Variants in SGCG observed in about 807,000 individuals in gnomAD.
The protein encoded by SGCG is gamma-sarcoglycan.
Under a neutral mutation model 29.3 loss-of-function variants are expected in SGCG, and 26 were observed. The observed-to-expected ratio is 0.89, with a 90% CI of 0.65 to 1.23. SGCG has a LOEUF of 1.23. Ranked by LOEUF, SGCG falls within the 50% of genes most tolerant of loss-of-function variation. The pLI, the probability that SGCG is intolerant of heterozygous loss-of-function variation, is 0.00. For synonymous variants in SGCG, 145 were observed against 129.7 expected (o/e 1.12, Z -0.80); for missense variants, 353 against 356.0 (o/e 0.99, Z 0.07).
At chr13:23,299,431 TATATATATATATATATATATATA>T (rs1882043047) in intron 6 of SGCG, among the ~76,000 whole-genome samples, 4 of 15,800 alleles carry the variant, frequency 2.5e-4, no homozygotes, top group African/African-American at 6.6e-4. Flanking sequence ...TATATATATA[TATATATATATATATATATATATA>T]TATTTTTTTT....
At chr13:23,193,723 A>C (rs1170336179) in intron 1 of SGCG, among the ~76,000 whole-genome samples, 1 of 152,192 alleles carries the variant, frequency 6.6e-6, no homozygotes, top group Non-Finnish European at 1.5e-5. Flanking sequence ...TTATCAGATT[A>C]GAGTAGAGAG....
At chr13:23,296,344 T>C (rs185012040) in intron 6 of SGCG, among the ~76,000 whole-genome samples, 1 of 152,344 alleles carries the variant, frequency 6.6e-6, no homozygotes, top group Admixed American at 6.5e-5. Context: ...AATAACATTA[T>C]AAAAACCAAG....
chr13:23,315,383 G>T (rs1882767326), intron 6 of SGCG, among the ~76,000 whole-genome samples: 1 of 152,178 alleles, frequency 6.6e-6, no homozygotes, highest in African/African-American at 2.4e-5. Flanking sequence ...GCTCGAGCAG[G>T]TCCTGAAGGC....
At chr13:23,184,302 ATAT>A (rs1425253520) in intron 1 of SGCG, among the ~76,000 whole-genome samples, 1 of 152,178 alleles carries the variant, frequency 6.6e-6, no homozygotes, top group East Asian at 1.9e-4. Flanking sequence ...TTTTAATTTA[ATAT>A]TGTGTGAATG....
intron 2 of SGCG, among the ~76,000 whole-genome samples, chr13:23,230,533 T>C (rs902472855): frequency 2.6e-5 from 4 of 152,200 alleles, no homozygotes; most frequent in Non-Finnish European, 4.4e-5. Flanking sequence ...TGTTTTATTC[T>C]TTTTGTGGCA....
intron 2 of SGCG, among the ~76,000 whole-genome samples, chr13:23,209,161 A>G (rs1441863733): frequency 6.6e-6 from 1 of 152,170 alleles, no homozygotes; most frequent in Non-Finnish European, 1.5e-5. Context: ...TGTTATCATT[A>G]AGCTTATAAT....
intron 1 of SGCG, among the ~76,000 whole-genome samples, chr13:23,188,492 T>A: frequency 6.7e-6 from 1 of 148,310 alleles, no homozygotes; most frequent in South Asian, 2.2e-4. Flanking sequence ...TTTTTTTTTT[T>A]TTTTTTTTTT....
chr13:23,320,214 G>T (rs983786137), intron 6 of SGCG, among the ~76,000 whole-genome samples: 1 of 152,174 alleles, frequency 6.6e-6, no homozygotes, highest in Non-Finnish European at 1.5e-5. Flanking sequence ...CTTGAGCCGG[G>T]AGTTCGATTT....
At position 23,203,851 on chromosome 13, in the gene SGCG, C is replaced by T. The variant is rs138880406; in HGVS notation, c.157C>T (p.Leu53Phe). ...CATCATCCTCGTTGTGAATTTAGCT[C>T]TTACAATTTGGATTCTTAAAGTGAT... The part of the protein sequence containing the change: ...LLIILVVNLA[L>F]TIWILKVMWF... The change falls in exon 2 of 8, where the codon CTT becomes TTT. Residue 53 changes from leucine (L) to phenylalanine (F), a missense_variant. Transcript: ENST00000218867. 104 of 1,613,944 alleles carry T rather than the reference C, an allele frequency of 6.4e-5. No homozygotes were observed. The African/African-American group carries it at 1.2e-3, about 19-fold the overall frequency.
rs763248287 is a variant in SGCG, at chr13:23,203,752, A to G, written c.58A>G (p.Asn20Asp). The change falls in exon 2 of 8, where the codon AAT becomes GAT. Residue 20 changes from asparagine (N) to aspartate (D), a missense_variant. Transcript: ENST00000218867. ...AGGCATCTGCATAGAGAGGCCAGAG[A>G]ATCAGTATGTCTACAAAATTGGCAT... ...TEGICIERPENQYVYKIGIYG... is the reference protein window; with the variant it reads ...TEGICIERPEDQYVYKIGIYG... 122 of 1,613,974 alleles carry G rather than the reference A, an allele frequency of 7.6e-5. No individual in the cohort carries two copies. The Admixed American group carries it at 2.0e-3, about 26-fold the overall frequency.
chr13:23,262,474 C>T (rs770784119), intron 4 of SGCG, among the ~76,000 whole-genome samples: 4 of 151,760 alleles, frequency 2.6e-5, no homozygotes, highest in Non-Finnish European at 4.4e-5. Context: ...TCAATATATA[C>T]GTACTTAAGT....
At chr13:23,230,328 T>C (rs999144010) in intron 2 of SGCG, among the ~76,000 whole-genome samples, 3 of 152,184 alleles carry the variant, frequency 2.0e-5, no homozygotes, top group Non-Finnish European at 2.9e-5. Flanking sequence ...AAGAATGTCA[T>C]TGGTAGTTTG....
rs190409662 is a variant in SGCG, at chr13:23,210,540, C to T, written c.195+6651C>T. Reference sequence around the variant, plus strand: ...CCCTGTCTCTACTAAAAATACAAAACATTAGCCGGGCGTGGTGGCGGGCGC... The same window carrying T: ...CCCTGTCTCTACTAAAAATACAAAATATTAGCCGGGCGTGGTGGCGGGCGC... On this transcript the variant is annotated intron_variant, in intron 2 of 7. Transcript: ENST00000218867. 5.9e-4 allele frequency among the ~76,000 whole-genome samples: 89 copies of T among 151,956 alleles called. No homozygotes were observed. In the East Asian group the frequency reaches 0.013, roughly 22 times the overall value.
intron 5 of SGCG, among the ~76,000 whole-genome samples, chr13:23,283,326 G>T (rs1375228461): frequency 6.6e-6 from 1 of 152,122 alleles, no homozygotes; most frequent in Non-Finnish European, 1.5e-5. Context: ...ATATATTTAG[G>T]ATAGTTAGCT....
At chr13:23,271,691 A>G (rs986617458) in intron 4 of SGCG, among the ~76,000 whole-genome samples, 8 of 152,134 alleles carry the variant, frequency 5.3e-5, no homozygotes, top group African/African-American at 7.2e-5. Context: ...TTTTGCATCA[A>G]TTTGCTCATT....
chr13:23,268,001 A>G (rs1382484472), intron 4 of SGCG: 2 of 152,724 alleles, frequency 1.3e-5, no homozygotes, highest in African/African-American at 2.4e-5. Context: ...AGATATTTAA[A>G]TTTCCAGCCA....
intron 6 of SGCG, among the ~76,000 whole-genome samples, chr13:23,296,450 C>A (rs2137646567): frequency 6.6e-6 from 1 of 152,308 alleles, no homozygotes; most frequent in Non-Finnish European, 1.5e-5. Context: ...AATTCACCAT[C>A]TTAACCATTT....
intron 2 of SGCG, among the ~76,000 whole-genome samples, chr13:23,226,357 A>C (rs1045228536): frequency 2.6e-5 from 4 of 152,364 alleles, no homozygotes; most frequent in African/African-American, 9.6e-5. Context: ...AGAGACATAA[A>C]ATAATTATGC....
At chr13:23,249,868 A>G (rs1433313078) in intron 3 of SGCG, among the ~76,000 whole-genome samples, 2 of 152,214 alleles carry the variant, frequency 1.3e-5, no homozygotes, top group African/African-American at 2.4e-5. Flanking sequence ...GTTTACCTGC[A>G]TGGAAAAATT....
Sources: allele counts gnomAD v4.1 joint callset (sites outside exome capture counted in the v4.1 genomes callset), GRCh38; gene constraint gnomAD v4.1.1; transcripts MANE v1.5; gene names NCBI Gene and HGNC (gene_info 2026-07-23, HGNC 2026-07-21).